DNAI3: variants seen among roughly 807,000 people sequenced by gnomAD.
The protein encoded by DNAI3 is WD repeat domain 63.
A neutral mutation model predicts 115.5 loss-of-function variants in DNAI3; 83 were observed. The ratio of observed to expected loss-of-function variants is 0.72; its 90% CI spans 0.60 to 0.86. The LOEUF (loss-of-function observed/expected upper bound fraction) is 0.86. Among genes scored for constraint, DNAI3 ranks in the 40% least tolerant of loss-of-function variants. The pLI, the probability that DNAI3 is intolerant of heterozygous loss-of-function variation, is 0.00. For synonymous variants in DNAI3, 320 were observed against 347.0 expected, an observed-to-expected ratio of 0.92 and a Z score of 0.86; for missense variants, 1,004 against 1,075.8, an observed-to-expected ratio of 0.93 and a Z score of 0.93.
chr1:85,082,483 T>TCTCAAAGAGATAGGCTCTTGCACTG, intron 5 of DNAI3, 79 bp downstream of exon 5: 1 of 1,137,346 alleles, frequency 8.8e-7, no homozygotes, highest in South Asian at 1.3e-5. Flanking sequence ...TCTTGCTCTG[T>TCTCAAAGAGATAGGCTCTTGCACTG]CACCCAGGCT....
chr1:85,087,456 A>AG (rs1461457221), intron 7 of DNAI3, among the ~76,000 whole-genome samples: 52 of 149,878 alleles, frequency 3.5e-4, no homozygotes, highest in African/African-American at 1.1e-3. Flanking sequence ...AAAAAAAAAA[A>AG]AAAGAAAGAA....
At chr1:85,122,446 C>T (rs1489057013) in intron 18 of DNAI3, among the ~76,000 whole-genome samples, 1 of 152,226 alleles carries the variant, frequency 6.6e-6, no homozygotes, top group Non-Finnish European at 1.5e-5. Flanking sequence ...AGCTCCCTAT[C>T]TCTAGCAGGC....
Position 85,090,250 on chromosome 1 carries a change from A to G in DNAI3, c.857+18A>G. 4 of 1,382,256 alleles carry G rather than the reference A, an allele frequency of 2.9e-6. No individual in the cohort carries two copies. Among genetic ancestry groups the G allele is most frequent in the Non-Finnish European group, 4.0e-6 (4 of 1,011,592 alleles). 85.6% of individuals were successfully genotyped at this position (1,382,256 alleles called of 1,614,324 possible). Reference sequence around the variant, plus strand: ...TCCATAAGGTAAAAAATTGCATATTAAATTTTAAAAATAAAACATAAAATG... The same window carrying G: ...TCCATAAGGTAAAAAATTGCATATTGAATTTTAAAAATAAAACATAAAATG... On this transcript the variant is annotated intron_variant, in intron 8 of 22. Transcript: ENST00000294664.
intron 3 of DNAI3, among the ~76,000 whole-genome samples, chr1:85,077,212 G>T (rs879781151): frequency 1.3e-5 from 2 of 152,176 alleles, no homozygotes; most frequent in Non-Finnish European, 2.9e-5. Context: ...GTGGAGAAGG[G>T]ATAGTCTTTT....
At chr1:85,107,949 C>T in intron 14 of DNAI3, 84 bp from the exon 15 acceptor site, 10 of 991,184 alleles carry the variant, frequency 1.0e-5, no homozygotes, top group Non-Finnish European at 1.4e-5. Flanking sequence ...GGTCACAATG[C>T]TAATATGTAG....
Position 85,126,478 on chromosome 1 carries a change from TC to T in DNAI3, c.2113-32del, listed in dbSNP as rs749422337. ...TTTCCCTCAGATAATAACAAAATCTTCTTTATTTGTCTTTTTAAAAATTTGT... is the reference window on the plus strand; with the variant it reads ...TTTCCCTCAGATAATAACAAAATCTTTTTATTTGTCTTTTTAAAAATTTGT... On this transcript the variant is annotated intron_variant, in intron 19 of 22. Transcript: ENST00000294664. The T allele has an allele frequency of 1.5e-5, 23 of 1,582,960 alleles. No individual in the cohort carries two copies. In the East Asian group the frequency reaches 2.3e-4, roughly 16 times the overall value.
chr1:85,077,375 A>T (rs1387830772), intron 3 of DNAI3, among the ~76,000 whole-genome samples: 2 of 152,184 alleles, frequency 1.3e-5, no homozygotes, highest in Non-Finnish European at 2.9e-5. Context: ...ACAGGAGAAA[A>T]TCTTTGTGAC....
At chr1:85,068,982 G>C (rs1364419059) in intron 1 of DNAI3, among the ~76,000 whole-genome samples, 1 of 152,192 alleles carries the variant, frequency 6.6e-6, no homozygotes, top group Admixed American at 6.5e-5. Flanking sequence ...CTGGATCCCG[G>C]AATAAGAAGA....
chr1:85,104,070 A>G (rs1399407152), intron 13 of DNAI3, among the ~76,000 whole-genome samples: 1 of 150,498 alleles, frequency 6.6e-6, no homozygotes, highest in East Asian at 1.9e-4. Flanking sequence ...GCAGAATTGT[A>G]TTTAATTTTA....
Position 85,097,598 on chromosome 1 carries a change from A to T in DNAI3, c.1293A>T (p.Ala431=). ...QIVMWDITAH[A]DRIENIKAGG... ...TCATGTGGGATATCACCGCACATGC[A>T]GATCGCATAGAAAACATTAAGGCAG... The change falls in exon 12 of 23, where the codon GCA becomes GCT. Residue 431 remains alanine, a synonymous_variant. Coordinates refer to ENST00000294664, the MANE Select transcript of DNAI3 (RefSeq NM_145172.5). 1.2e-6 allele frequency: 2 copies of T among 1,613,274 alleles called. No homozygotes were observed. The highest frequency in any genetic ancestry group is 2.2e-5 in the South Asian group (2 of 90,834).
intron 5 of DNAI3, among the ~76,000 whole-genome samples, chr1:85,084,122 ATT>A (rs11314442): frequency 5.0e-4 from 71 of 140,956 alleles, no homozygotes; most frequent in Middle Eastern, 4.5e-3. Flanking sequence ...CATTTGGTTG[ATT>A]TTTTTTTTTT....
chr1:85,081,412 C>T lies in DNAI3; in HGVS notation c.282C>T (p.Val94=). The T allele has an allele frequency of 6.4e-7, 1 of 1,571,782 alleles. No individual in the cohort carries two copies. ...VSDFHPVKKI[V]QEYPGNELLL... ...ATTTCCACCCAGTCAAAAAAATTGT[C>T]CAGGTAAGCACAATATCCCTATTTA... The change falls in exon 4 of 23, where the codon GTC becomes GTT. Residue 94 remains valine, a synonymous_variant. Transcript: ENST00000294664.
intron 16 of DNAI3, among the ~76,000 whole-genome samples, chr1:85,114,367 T>C (rs1288468533): frequency 6.6e-6 from 1 of 152,234 alleles, no homozygotes; most frequent in Admixed American, 6.5e-5. Flanking sequence ...TAAAATCTCT[T>C]ACTAGTTATA....
intron 13 of DNAI3, among the ~76,000 whole-genome samples, chr1:85,101,135 A>T (rs554011831): frequency 6.1e-3 from 162 of 26,448 alleles, no homozygotes; most frequent in African/African-American, 0.032. Flanking sequence ...TAATAAAATT[A>T]AAAAAAAAGA....
rs1229808579 is a variant in DNAI3, at chr1:85,094,651, G to A, written c.1173+96G>A. On this transcript the variant is annotated intron_variant, in intron 10 of 22. Transcript: ENST00000294664. ...TTATTGCAAAGTACTTTATAATCATGTAATGTTGTAAACATTTATAAAGTT... is the reference window on the plus strand; with the variant it reads ...TTATTGCAAAGTACTTTATAATCATATAATGTTGTAAACATTTATAAAGTT... 4 of 1,401,000 alleles carry A rather than the reference G, an allele frequency of 2.9e-6. No individual in the cohort carries two copies. In the South Asian group the frequency reaches 5.9e-5, roughly 21 times the overall value. 86.8% of individuals were successfully genotyped at this position (1,401,000 alleles called of 1,614,324 possible).
In DNAI3 at chr1:85,095,925, C is replaced by T; in HGVS notation, c.1174-6C>T. On this transcript the variant is annotated splice_polypyrimidine_tract_variant and splice_region_variant and intron_variant, in intron 10 of 22. Transcript: ENST00000294664. ...TTCTTTCATGAATTTGCTGGGTTTA[C>T]TTTAGTTAATGCTGGAGAGCCCAGA... 6.2e-7 allele frequency: 1 copy of T among 1,613,198 alleles called. No individual in the cohort carries two copies. The highest frequency in any genetic ancestry group is 8.5e-7 in the Non-Finnish European group (1 of 1,179,278).
intron 16 of DNAI3, among the ~76,000 whole-genome samples, chr1:85,114,870 C>A (rs1001034335): frequency 2.6e-5 from 4 of 152,180 alleles, no homozygotes; most frequent in African/African-American, 7.2e-5. Context: ...TGGCCAGGGA[C>A]CACCCACCCT....
rs1654348795 is a variant in DNAI3, at chr1:85,073,426, T to C, written c.103+334T>C. Among the ~76,000 whole-genome samples the C allele has an allele frequency of 2.0e-5, 3 of 152,220 alleles. No individual in the cohort carries two copies. In the South Asian group the frequency reaches 6.2e-4, roughly 32 times the overall value. On this transcript the variant is annotated intron_variant, in intron 3 of 22. Coordinates refer to ENST00000294664, the MANE Select transcript of DNAI3 (RefSeq NM_145172.5). The stretch of plus-strand genomic sequence containing the variant: ...TTTTCAAACTTTTGCTCATAGGTAA[T>C]ATTTATCTGTACTTCACGCTAAGAT...
intron 3 of DNAI3, among the ~76,000 whole-genome samples, chr1:85,075,902 C>T (rs1654436862): frequency 6.6e-6 from 1 of 152,080 alleles, no homozygotes; most frequent in Non-Finnish European, 1.5e-5. Context: ...ATATGAGTTG[C>T]CTATTGCTGC....
Sources: allele counts gnomAD v4.1 joint callset (sites outside exome capture counted in the v4.1 genomes callset), GRCh38; gene constraint gnomAD v4.1.1; transcripts MANE v1.5; gene names NCBI Gene and HGNC (gene_info 2026-07-23, HGNC 2026-07-21).